Variants in TRIM25 observed in about 807,000 individuals in gnomAD.
The protein encoded by TRIM25 is tripartite motif containing 25.
TRIM25 carries 45 observed loss-of-function variants against 65.2 expected under a neutral mutation model. The observed-to-expected ratio is 0.69, with a 90% CI of 0.54 to 0.89. TRIM25 has a LOEUF of 0.89. TRIM25 is among the 40% of genes least tolerant of loss of function. The pLI, the probability that TRIM25 is intolerant of heterozygous loss-of-function variation, is 0.00. For missense variants in TRIM25, 714 were observed against 803.7 expected (o/e 0.89, Z 1.35); for synonymous variants, 321 against 340.4 (o/e 0.94, Z 0.63).
In TRIM25 at chr17:56,890,565, G is replaced by A. The variant is rs745761456; in HGVS notation, c.*1135C>T. ...GGTTTGCTAAAAGACCCCTTTGGTGGTAGGTTGACACCCCAGCAAGTGGCC... is the reference window on the plus strand; with the variant it reads ...GGTTTGCTAAAAGACCCCTTTGGTGATAGGTTGACACCCCAGCAAGTGGCC... On this transcript the variant is annotated 3_prime_UTR_variant, in exon 9 of 9. Transcript: ENST00000316881. The A allele has an allele frequency of 1.4e-4, 64 of 455,110 alleles. No homozygotes were observed. Among genetic ancestry groups the A allele is most frequent in the African/African-American group, 1.2e-3 (61 of 50,006 alleles). The allele number at this position is 455,110 out of a possible 1,614,324, so 28.2% of individuals were successfully genotyped here.
chr17:56,906,923 C>T (rs944251560), intron 2 of TRIM25, among the ~76,000 whole-genome samples: 6 of 152,228 alleles, frequency 3.9e-5, no homozygotes, highest in Non-Finnish European at 8.8e-5. Context: ...GCTACTCAGA[C>T]TACATTTCCC....
chr17:56,905,769 G>A (rs1909507851), intron 2 of TRIM25, among the ~76,000 whole-genome samples: 1 of 152,056 alleles, frequency 6.6e-6, no homozygotes, highest in Admixed American at 6.6e-5. Context: ...ACCAGCCTGG[G>A]CAACATAGAC....
chr17:56,895,726 C>G lies in TRIM25; in HGVS notation c.1181-122G>C, dbSNP rs1909279235. 3.2e-6 allele frequency: 4 copies of G among 1,250,284 alleles called. No homozygotes were observed. In the Admixed American group the frequency reaches 1.0e-4, roughly 31 times the overall value. The allele number at this position is 1,250,284 out of a possible 1,614,324, so 77.4% of individuals were successfully genotyped here. The stretch of plus-strand genomic sequence containing the variant: ...AACAGCAGGACAACACAGGGGAAAA[C>G]AGACAAGGCTAAAGTCACCTTATTC... On this transcript the variant is annotated intron_variant, in intron 6 of 8. Transcript: ENST00000316881.
chr17:56,891,404 C>T lies in TRIM25; in HGVS notation c.*296G>A, dbSNP rs1909166366. ...AAGAGGAATCGGGCACTCATGACTT[C>T]ACTTCCCAGAGCTCTGCCCAGCTGC... On this transcript the variant is annotated 3_prime_UTR_variant, in exon 9 of 9. Transcript: ENST00000316881. 2 of 431,378 alleles carry T rather than the reference C, an allele frequency of 4.6e-6. No homozygotes were observed. The highest frequency in any genetic ancestry group is 8.5e-6 in the Non-Finnish European group (2 of 235,420). The allele number at this position is 431,378 out of a possible 1,614,324, so 26.7% of individuals were successfully genotyped here.
intron 4 of TRIM25, among the ~76,000 whole-genome samples, chr17:56,899,653 C>T (rs752874256): frequency 6.6e-6 from 1 of 152,214 alleles, no homozygotes; most frequent in Non-Finnish European, 1.5e-5. Context: ...GCTGCACCGC[C>T]ACCGATTTCA....
At chr17:56,896,410 T>C (rs574405657) in intron 5 of TRIM25, among the ~76,000 whole-genome samples, 1 of 151,546 alleles carries the variant, frequency 6.6e-6, no homozygotes, top group African/African-American at 2.4e-5. Context: ...TCCCAGCAAT[T>C]TGGGAGGCCA....
chr17:56,891,436 G>A lies in TRIM25; in HGVS notation c.*264C>T, dbSNP rs2144345759. 2.0e-6 allele frequency: 1 copy of A among 491,520 alleles called. No homozygotes were observed. Among genetic ancestry groups the A allele is most frequent in the East Asian group, 3.7e-5 (1 of 27,174 alleles). The allele number at this position is 491,520 out of a possible 1,614,324, so 30.4% of individuals were successfully genotyped here. A position where few individuals can be genotyped will look rare whatever the true frequency, so the allele number is the denominator to read the frequency against. On this transcript the variant is annotated 3_prime_UTR_variant, in exon 9 of 9. Transcript: ENST00000316881. Reference sequence around the variant, plus strand: ...CAGAGCTCTGCCCAGCTGCCCAGCAGCCTGGAGATTTCCAGAACAATGGGG... The same window carrying A: ...CAGAGCTCTGCCCAGCTGCCCAGCAACCTGGAGATTTCCAGAACAATGGGG...
intron 1 of TRIM25, 93 bp from the exon 2 acceptor site, chr17:56,908,656 T>C: frequency 7.8e-7 from 1 of 1,283,854 alleles, no homozygotes; most frequent in Non-Finnish European, 1.1e-6. Context: ...ATAGATTCCT[T>C]CCTCTTCCAC....
chr17:56,895,753 T>A, intron 6 of TRIM25, 149 bp from the exon 7 acceptor site: 2 of 1,171,366 alleles, frequency 1.7e-6, no homozygotes, highest in Admixed American at 5.4e-5. Context: ...ACCTTATTCA[T>A]CTCACTTATG....
At chr17:56,912,025 G>C (rs976789944) in intron 1 of TRIM25, 4 of 152,150 alleles carry the variant, frequency 2.6e-5, no homozygotes, top group African/African-American at 9.7e-5. Context: ...AACATAGCAA[G>C]ACCCTGTCTC....
At chr17:56,897,659 C>T (rs2144352267) in intron 5 of TRIM25, among the ~76,000 whole-genome samples, 1 of 152,282 alleles carries the variant, frequency 6.6e-6, no homozygotes, top group South Asian at 2.1e-4. Flanking sequence ...TTGATTCATT[C>T]CCGAACTTTA....
chr17:56,892,819 C>T (rs1178479623), intron 8 of TRIM25, among the ~76,000 whole-genome samples: 1 of 152,226 alleles, frequency 6.6e-6, no homozygotes, highest in East Asian at 1.9e-4. Context: ...GACAAGGTGC[C>T]GGGCCTCATG....
chr17:56,896,561 T>C (rs1336644940), intron 5 of TRIM25, among the ~76,000 whole-genome samples: 1 of 151,488 alleles, frequency 6.6e-6, no homozygotes, highest in Non-Finnish European at 1.5e-5. Context: ...TCCCAGCTAC[T>C]TGGGAGGTGA....
intron 1 of TRIM25, among the ~76,000 whole-genome samples, chr17:56,909,717 A>AG (rs1909591374): frequency 6.6e-6 from 1 of 151,284 alleles, no homozygotes; most frequent in East Asian, 1.9e-4. Flanking sequence ...AGTAGCTCAC[A>AG]GGGGCTGAAG....
At position 56,901,193 on chromosome 17, in the gene TRIM25, A is replaced by C. The variant is rs77540259; in HGVS notation, c.1087+226T>G. ...AAGAGCCTATCTGTCCAGAAAGTCC[A>C]AGCATTAACATCAAGTCCCCAAAAA... On this transcript the variant is annotated intron_variant, in intron 4 of 8. Coordinates refer to ENST00000316881, the MANE Select transcript of TRIM25 (RefSeq NM_005082.5). Among the ~76,000 whole-genome samples the C allele has an allele frequency of 8.9e-3, 1,356 of 152,330 alleles. 29 individuals carry two copies. The highest frequency in any genetic ancestry group is 0.031 in the African/African-American group (1,285 of 41,586).
chr17:56,911,303 C>T (rs528663612), intron 1 of TRIM25, among the ~76,000 whole-genome samples: 11 of 151,876 alleles, frequency 7.2e-5, no homozygotes, highest in African/African-American at 1.4e-4. Flanking sequence ...ATATATGGGC[C>T]GGGCGTGGTG....
intron 2 of TRIM25, among the ~76,000 whole-genome samples, chr17:56,907,772 T>C (rs1204675367): frequency 6.6e-6 from 1 of 152,232 alleles, no homozygotes. Flanking sequence ...AAAGAGGTCT[T>C]TGCAGATGCA....
intron 1 of TRIM25, among the ~76,000 whole-genome samples, chr17:56,911,027 G>C (rs1434525548): frequency 6.6e-6 from 1 of 152,248 alleles, no homozygotes; most frequent in Non-Finnish European, 1.5e-5. Flanking sequence ...CACTTCAGGA[G>C]GCTGAAGTGG....
At chr17:56,896,876 A>G (rs1169573413) in intron 5 of TRIM25, among the ~76,000 whole-genome samples, 4 of 152,046 alleles carry the variant, frequency 2.6e-5, no homozygotes, top group Admixed American at 6.6e-5. Context: ...AGGCTGAGGT[A>G]GGAGGATTGC....
Sources: allele counts gnomAD v4.1 joint callset (sites outside exome capture counted in the v4.1 genomes callset), GRCh38; gene constraint gnomAD v4.1.1; transcripts MANE v1.5; gene names NCBI Gene and HGNC (gene_info 2026-07-23, HGNC 2026-07-21).